The following ZRANB3 variants were observed in gnomAD, a reference collection of about 807,000 sequenced individuals.
ZRANB3 encodes the protein zinc finger RANBP2-type containing 3, also known as DNA annealing helicase and endonuclease ZRANB3.
Under a neutral mutation model 133.8 loss-of-function variants are expected in ZRANB3, and 125 were observed. The ratio of observed to expected loss-of-function variants is 0.93; its 90% CI spans 0.81 to 1.08. The LOEUF is 1.08. Ranked by LOEUF, ZRANB3 falls within the 50% of genes least tolerant of loss-of-function variation. The pLI is 0.00. For missense variants in ZRANB3, 1,229 were observed against 1,275.5 expected (o/e 0.96, Z 0.56); for synonymous variants, 387 against 432.7 (o/e 0.89, Z 1.31).
At chr2:135,321,166 G>T (rs1683506523) in intron 6 of ZRANB3, among the ~76,000 whole-genome samples, 1 of 152,174 alleles carries the variant, frequency 6.6e-6, no homozygotes, top group African/African-American at 2.4e-5. Flanking sequence ...TAAATACCCA[G>T]CAGTAGGATT....
chr2:135,404,450 G>A (rs1687908075), intron 2 of ZRANB3, among the ~76,000 whole-genome samples: 1 of 152,198 alleles, frequency 6.6e-6, no homozygotes, highest in Admixed American at 6.5e-5. Flanking sequence ...ATGGGACTAT[G>A]TGAAAAGACC....
At chr2:135,232,176 A>G (rs1218559220) in intron 12 of ZRANB3, among the ~76,000 whole-genome samples, 1 of 152,204 alleles carries the variant, frequency 6.6e-6, no homozygotes, top group Non-Finnish European at 1.5e-5. Flanking sequence ...TCCTACACCC[A>G]TGGAGCCTTG....
At chr2:135,394,328 A>G (rs13432367) in intron 2 of ZRANB3, among the ~76,000 whole-genome samples, 4,837 of 152,326 alleles carry the variant, frequency 0.032, 249 homozygotes, top group African/African-American at 0.11. Flanking sequence ...CATAGATTCA[A>G]GATAGGAAAA....
At chr2:135,356,189 TAGAA>T (rs928160910) in intron 3 of ZRANB3, among the ~76,000 whole-genome samples, 2 of 151,830 alleles carry the variant, frequency 1.3e-5, no homozygotes, top group Non-Finnish European at 2.9e-5. Context: ...TTCAGTTAGA[TAGAA>T]GGAATAAGGT....
chr2:135,396,191 A>G (rs1402380227), intron 2 of ZRANB3, among the ~76,000 whole-genome samples: 1 of 152,184 alleles, frequency 6.6e-6, no homozygotes, highest in Admixed American at 6.5e-5. Context: ...GAGAAAAGGG[A>G]ACACTTGTAC....
At chr2:135,340,107 T>C (rs1204942403) in intron 6 of ZRANB3, among the ~76,000 whole-genome samples, 3 of 149,670 alleles carry the variant, frequency 2.0e-5, no homozygotes, top group South Asian at 2.1e-4. Context: ...CCCTTTTCTT[T>C]TTTTTTTTTT....
chr2:135,361,295 T>A (rs1281582210), intron 3 of ZRANB3, among the ~76,000 whole-genome samples: 1 of 152,172 alleles, frequency 6.6e-6, no homozygotes, highest in East Asian at 1.9e-4. Flanking sequence ...AAGTCTTGAA[T>A]AAACAATAGT....
chr2:135,288,457 T>C (rs1465582633), intron 8 of ZRANB3, among the ~76,000 whole-genome samples: 3 of 152,196 alleles, frequency 2.0e-5, no homozygotes, highest in Admixed American at 6.5e-5. Context: ...TATAATGATT[T>C]AGGGAGGATT....
chr2:135,342,896 A>G (rs896280434), intron 6 of ZRANB3, among the ~76,000 whole-genome samples: 2 of 147,228 alleles, frequency 1.4e-5, no homozygotes, highest in Admixed American at 6.7e-5. Flanking sequence ...TGGGCATGGT[A>G]GCTCACACCT....
rs1210051865 is a variant in ZRANB3 at position 135,197,321 on chromosome 2, G to GTC, written c.*3019_*3020dup. ...AGAGCTCAAGAGCATTGACTTTTTT[G>GTC]TCTGTCATATAATTTAAAATGCCTC... On this transcript the variant is annotated 3_prime_UTR_variant, in exon 21 of 21. Transcript: ENST00000264159. 6.6e-6 allele frequency: 1 copy of GTC among 152,128 alleles called. No homozygotes were observed. Among genetic ancestry groups the GTC allele is most frequent in the African/African-American group, 2.4e-5 (1 of 41,442 alleles). The allele number at this position is 152,128 out of a possible 1,614,324, so 9.4% of individuals were successfully genotyped here.
At chr2:135,433,659 C>A (rs2104984580) in intron 2 of ZRANB3, among the ~76,000 whole-genome samples, 1 of 152,090 alleles carries the variant, frequency 6.6e-6, no homozygotes, top group Middle Eastern at 3.4e-3. Flanking sequence ...CGAGACCAGT[C>A]TGGCCAACAT....
intron 3 of ZRANB3, among the ~76,000 whole-genome samples, chr2:135,360,086 T>G (rs868107445): frequency 2.6e-5 from 4 of 152,130 alleles, no homozygotes; most frequent in African/African-American, 9.7e-5. Flanking sequence ...CCTTTTAAAA[T>G]AAACTTTTAA....
intron 2 of ZRANB3, among the ~76,000 whole-genome samples, chr2:135,413,446 T>C (rs919390897): frequency 6.6e-6 from 1 of 152,206 alleles, no homozygotes; most frequent in Non-Finnish European, 1.5e-5. Context: ...GAAGCTACCA[T>C]CCTCTGTAAC....
At position 135,449,597 on chromosome 2, in the gene ZRANB3, G is replaced by C. The variant is rs1042419871; in HGVS notation, c.161+54732C>G. On this transcript the variant is annotated intron_variant, in intron 2 of 20. Transcript: ENST00000264159. ...ATTGCTCCACTACACTCCAGCTTGG[G>C]TAACAGAGTGAGATTCCATCTCAAA... 5.3e-5 allele frequency among the ~76,000 whole-genome samples: 8 copies of C among 152,260 alleles called. No homozygotes were observed. In the East Asian group the frequency reaches 1.5e-3, roughly 29 times the overall value.
chr2:135,223,709 T>C (rs1482476921), intron 15 of ZRANB3, among the ~76,000 whole-genome samples: 1 of 152,136 alleles, frequency 6.6e-6, no homozygotes, highest in African/African-American at 2.4e-5. Flanking sequence ...AAACAAAAGC[T>C]CTTTGGGGTT....
intron 15 of ZRANB3, among the ~76,000 whole-genome samples, chr2:135,223,517 G>T (rs975646325): frequency 6.6e-6 from 1 of 151,494 alleles, no homozygotes; most frequent in African/African-American, 2.4e-5. Flanking sequence ...GTAGAGGTGG[G>T]GGGTTTCACC....
chr2:135,311,741 C>T (rs959068348), intron 8 of ZRANB3, among the ~76,000 whole-genome samples: 1 of 152,104 alleles, frequency 6.6e-6, no homozygotes, highest in African/African-American at 2.4e-5. Context: ...CAGAGCAAGA[C>T]TCTGTCTCTC....
intron 1 of ZRANB3, among the ~76,000 whole-genome samples, chr2:135,513,510 A>C (rs1054420676): frequency 1.3e-5 from 2 of 152,210 alleles, no homozygotes; most frequent in African/African-American, 4.8e-5. Flanking sequence ...ATGTTCATAT[A>C]AAAGAATGAA....
chr2:135,450,565 C>T (rs957990087), intron 2 of ZRANB3, among the ~76,000 whole-genome samples: 6 of 152,066 alleles, frequency 3.9e-5, no homozygotes, highest in Non-Finnish European at 7.4e-5. Context: ...ACTCTTAAAA[C>T]TATAGAAAGA....
Sources: allele counts gnomAD v4.1 joint callset (sites outside exome capture counted in the v4.1 genomes callset), GRCh38; gene constraint gnomAD v4.1.1; transcripts MANE v1.5; gene names NCBI Gene and HGNC (gene_info 2026-07-23, HGNC 2026-07-21).